PARD3: variants seen among roughly 807,000 people sequenced by gnomAD.
The protein encoded by PARD3 is par-3 family cell polarity regulator, also known as partitioning defective 3 homolog.
Under a neutral mutation model 155.4 loss-of-function variants are expected in PARD3, and 75 were observed. The ratio of observed to expected loss-of-function variants is 0.48; its 90% confidence interval spans 0.40 to 0.58. The LOEUF is 0.58. Among genes scored for constraint, PARD3 ranks in the 20% least tolerant of loss-of-function variants. PARD3 has a pLI of 0.00. For synonymous variants in PARD3, 576 were observed against 610.5 expected (o/e 0.94, Z 0.83); for missense variants, 1,642 against 1,721.7 (o/e 0.95, Z 0.82).
At chr10:34,307,434 A>G (rs998697472) in intron 20 of PARD3, among the ~76,000 whole-genome samples, 2 of 152,132 alleles carry the variant, frequency 1.3e-5, no homozygotes, top group African/African-American at 4.8e-5. Flanking sequence ...CTGCCTCTCG[A>G]CCTGAAATGC....
chr10:34,447,932 C>G (rs1167822241), intron 5 of PARD3, among the ~76,000 whole-genome samples: 1 of 152,096 alleles, frequency 6.6e-6, no homozygotes, highest in African/African-American at 2.4e-5. Context: ...GAAGTCTCCT[C>G]AAAAACTTAA....
rs550464371 is a variant in PARD3, at chr10:34,609,901, G to A, written c.222+86417C>T. Among the ~76,000 whole-genome samples the A allele has an allele frequency of 5.9e-5, 9 of 152,240 alleles. No homozygotes were observed. In the South Asian group the frequency reaches 1.2e-3, roughly 21 times the overall value. On this transcript the variant is annotated intron_variant, in intron 2 of 24. Transcript: ENST00000374788. ...AGTGCTAGGCAATAAACTATGAGAC[G>A]AGAAAAATCATTTGACATTACCGTC... is the stretch of plus-strand genomic sequence containing the variant.
chr10:34,389,103 A>C (rs914676721), intron 7 of PARD3, among the ~76,000 whole-genome samples: 1 of 152,102 alleles, frequency 6.6e-6, no homozygotes, highest in Non-Finnish European at 1.5e-5. Context: ...CTAGTCTCCT[A>C]TATTTTCTTC....
Position 34,269,917 on chromosome 10 carries a change from A to C in PARD3, c.3177-18T>G. Reference sequence around the variant, plus strand: ...CTTGAATCCTATGAAATCAGAACAAAGTTGAAATAAGAGAAACCTTTCCTT... The same window carrying C: ...CTTGAATCCTATGAAATCAGAACAACGTTGAAATAAGAGAAACCTTTCCTT... On this transcript the variant is annotated intron_variant, in intron 21 of 24. Transcript: ENST00000374788. 6.2e-7 allele frequency: 1 copy of C among 1,609,636 alleles called. No homozygotes were observed.
intron 1 of PARD3, among the ~76,000 whole-genome samples, chr10:34,800,883 A>C (rs886517357): frequency 6.6e-6 from 1 of 152,198 alleles, no homozygotes; most frequent in Non-Finnish European, 1.5e-5. Context: ...AAAAGCAGAG[A>C]CTGAGCTGAA....
chr10:34,687,048 C>CA (rs1286931887), intron 2 of PARD3, among the ~76,000 whole-genome samples: 1 of 150,036 alleles, frequency 6.7e-6, no homozygotes, highest in Non-Finnish European at 1.5e-5. Flanking sequence ...GACTCTGTCT[C>CA]AAAAAAAATA....
In PARD3 at chr10:34,649,969, A is replaced by G. The variant is rs530020460; in HGVS notation, c.222+46349T>C. Among the ~76,000 whole-genome samples the G allele has an allele frequency of 6.8e-4, 103 of 152,276 alleles. 1 individual carries two copies. Among genetic ancestry groups the G allele is most frequent in the African/African-American group, 2.4e-3 (100 of 41,522 alleles). On this transcript the variant is annotated intron_variant, in intron 2 of 24. Transcript: ENST00000374788. ...CATTAGCCTAGACCTACACAGGGTC[A>G]GGATCATCAACATCACTGTCTTCCA...
intron 22 of PARD3, among the ~76,000 whole-genome samples, chr10:34,205,969 C>T (rs936780688): frequency 6.6e-6 from 1 of 152,076 alleles, no homozygotes; most frequent in African/African-American, 2.4e-5. Flanking sequence ...GGAGGGGCAG[C>T]ACCTGTGGCT....
At chr10:34,264,152 A>C (rs769108760) in intron 22 of PARD3, among the ~76,000 whole-genome samples, 7 of 152,118 alleles carry the variant, frequency 4.6e-5, no homozygotes, top group Admixed American at 1.3e-4. Context: ...TCTATTTTTC[A>C]TTTTTAGTAC....
chr10:34,293,967 C>G (rs1004027892), intron 20 of PARD3, among the ~76,000 whole-genome samples: 1 of 152,196 alleles, frequency 6.6e-6, no homozygotes, highest in Non-Finnish European at 1.5e-5. Flanking sequence ...GCCCTGAAGG[C>G]AGTCCCCATA....
chr10:34,767,936 T>C (rs573989222), intron 1 of PARD3, among the ~76,000 whole-genome samples: 1 of 151,882 alleles, frequency 6.6e-6, no homozygotes, highest in East Asian at 2.0e-4. Context: ...AAAAAAGAGA[T>C]TTTTAAAGGG....
At chr10:34,185,525 A>AT (rs1481736659) in intron 22 of PARD3, among the ~76,000 whole-genome samples, 1 of 151,902 alleles carries the variant, frequency 6.6e-6, no homozygotes, top group African/African-American at 2.4e-5. Context: ...CATTTACTGG[A>AT]TTTTTTTTCT....
At chr10:34,449,797 C>G (rs1277328390) in intron 5 of PARD3, among the ~76,000 whole-genome samples, 1 of 152,156 alleles carries the variant, frequency 6.6e-6, no homozygotes, top group African/African-American at 2.4e-5. Context: ...ACAGATAACT[C>G]TAAAGACTGA....
chr10:34,401,647 G>A (rs1049343201), intron 6 of PARD3, among the ~76,000 whole-genome samples, 179 bp downstream of exon 6: 1 of 152,110 alleles, frequency 6.6e-6, no homozygotes, highest in African/African-American at 2.4e-5. Flanking sequence ...ATGCTATACT[G>A]CTTACATTAC....
At chr10:34,155,668 ATGTGTGTG>A (rs3039232) in intron 22 of PARD3, among the ~76,000 whole-genome samples, 7,850 of 140,384 alleles carry the variant, frequency 0.056, 720 homozygotes, top group African/African-American at 0.19. Context: ...CCCTCTAAAA[ATGTGTGTG>A]TGTGTGTGTG....
intron 19 of PARD3, among the ~76,000 whole-genome samples, chr10:34,322,769 A>C (rs1239286814): frequency 1.8e-4 from 27 of 152,208 alleles, no homozygotes; most frequent in Admixed American, 1.7e-3. Context: ...AATTAAATGA[A>C]GGACTGAATA....
In PARD3 at chr10:34,419,703, A is replaced by G. The variant is rs561314145; in HGVS notation, c.715-17786T>C. On this transcript the variant is annotated intron_variant, in intron 5 of 24. Transcript: ENST00000374788. ...AAATATTTAATTAGTGGTAAAGTAT[A>G]TAAAATACAATATTTCACCCTACAT... Among the ~76,000 whole-genome samples the G allele has an allele frequency of 1.3e-4, 20 of 152,326 alleles. No homozygotes were observed. The South Asian group carries it at 2.3e-3, about 17-fold the overall frequency.
chr10:34,433,101 C>T (rs2076028243), intron 5 of PARD3, among the ~76,000 whole-genome samples: 1 of 152,162 alleles, frequency 6.6e-6, no homozygotes, highest in Non-Finnish European at 1.5e-5. Flanking sequence ...AATTTCTCTG[C>T]ATATTTTACC....
chr10:34,296,501 T>C (rs976310396), intron 20 of PARD3, among the ~76,000 whole-genome samples: 6 of 152,160 alleles, frequency 3.9e-5, no homozygotes, highest in Non-Finnish European at 7.4e-5. Flanking sequence ...AGTGCTTGGA[T>C]TAAAAGCATG....
Sources: gnomAD v4.1 joint callset for allele counts (sites outside exome capture counted in the v4.1 genomes callset) on GRCh38, gnomAD v4.1.1 for gene constraint, MANE v1.5 for transcripts, NCBI Gene and HGNC (gene_info 2026-07-23, HGNC 2026-07-21) for gene names.